ASIC2: variants seen among roughly 807,000 people sequenced by gnomAD.
The protein encoded by ASIC2 is acid sensing ion channel subunit 2.
Under a neutral mutation model 57.3 loss-of-function variants are expected in ASIC2, and 25 were observed. That is an observed-to-expected ratio of 0.44 (90% confidence interval 0.32 to 0.61). ASIC2 has a LOEUF of 0.61. Among genes scored for constraint, ASIC2 ranks in the 20% least tolerant of loss-of-function variants. The pLI, the probability that ASIC2 is intolerant of heterozygous loss-of-function variation, is 0.06. For missense variants in ASIC2, 641 were observed against 738.1 expected, an observed-to-expected ratio of 0.87 and a Z score of 1.52; for synonymous variants, 319 against 307.5, an observed-to-expected ratio of 1.04 and a Z score of -0.39.
chr17:33,988,688 T>A (rs1016711806), intron 1 of ASIC2, among the ~76,000 whole-genome samples: 2 of 151,952 alleles, frequency 1.3e-5, no homozygotes, highest in East Asian at 3.9e-4. Flanking sequence ...GGTTAGTTTT[T>A]GCCTCTAATC....
intron 1 of ASIC2, among the ~76,000 whole-genome samples, chr17:33,672,546 G>A (rs1176146643): frequency 6.6e-6 from 1 of 152,162 alleles, no homozygotes; most frequent in Non-Finnish European, 1.5e-5. Flanking sequence ...TTAGCCTGCT[G>A]TGGCTAAAGA....
intron 1 of ASIC2, among the ~76,000 whole-genome samples, chr17:33,140,902 GCAGAACCACAAGA>G (rs1361967676): frequency 5.3e-5 from 8 of 152,244 alleles, no homozygotes; most frequent in South Asian, 4.1e-4. Context: ...GGGCCACAAG[GCAGAACCACAAGA>G]CAGAACCACA....
chr17:33,429,793 T>C (rs1215092025), intron 1 of ASIC2, among the ~76,000 whole-genome samples: 5 of 152,152 alleles, frequency 3.3e-5, no homozygotes, highest in Non-Finnish European at 1.5e-5. Flanking sequence ...TGTACAGATA[T>C]AAGAGCATAG....
At chr17:33,934,167 G>T (rs56118853) in intron 1 of ASIC2, among the ~76,000 whole-genome samples, 18,987 of 152,096 alleles carry the variant, frequency 0.12, 1,556 homozygotes, top group East Asian at 0.28. Flanking sequence ...GCACATTCTC[G>T]GCAGGCCTGC....
In ASIC2 at chr17:34,057,533, G is replaced by A. The variant is rs146016562; in HGVS notation, c.555+98445C>T. Among the ~76,000 whole-genome samples the A allele has an allele frequency of 5.3e-5, 8 of 152,166 alleles. No homozygotes were observed. In the South Asian group the frequency reaches 8.3e-4, roughly 16 times the overall value. ...ATTACTGGAGCTTTAGTAGGAGGAC[G>A]GATATAATCAGATATGTATTTTAGA... On this transcript the variant is annotated intron_variant, in intron 1 of 9. Transcript: ENST00000359872.
chr17:33,185,550 G>A (rs1027166183), intron 1 of ASIC2, among the ~76,000 whole-genome samples: 8 of 152,134 alleles, frequency 5.3e-5, no homozygotes, highest in Admixed American at 2.6e-4. Context: ...CTAGGTTGTG[G>A]TGGAGGGAGG....
intron 1 of ASIC2, among the ~76,000 whole-genome samples, chr17:33,440,296 T>G (rs904229282): frequency 1.3e-5 from 2 of 152,250 alleles, no homozygotes; most frequent in African/African-American, 4.8e-5. Context: ...GGATGTAGCA[T>G]GTACCAGTGC....
At chr17:33,834,626 T>A (rs1339322011) in intron 1 of ASIC2, 1 of 152,212 alleles carries the variant, frequency 6.6e-6, no homozygotes, top group African/African-American at 2.4e-5. Flanking sequence ...AAAGGGAGTG[T>A]ACTTCCAAAA....
At chr17:33,395,844 T>A (rs1394805054) in intron 1 of ASIC2, among the ~76,000 whole-genome samples, 1 of 152,194 alleles carries the variant, frequency 6.6e-6, no homozygotes, top group East Asian at 1.9e-4. Context: ...CACTTACCAG[T>A]TGACGGATTT....
intron 1 of ASIC2, among the ~76,000 whole-genome samples, chr17:33,917,225 A>G (rs1029222048): frequency 3.3e-5 from 5 of 151,456 alleles, no homozygotes; most frequent in Admixed American, 6.6e-5. Flanking sequence ...GGAGATTTCA[A>G]TTTTGCTTTC....
intron 1 of ASIC2, among the ~76,000 whole-genome samples, chr17:33,351,755 G>A (rs1342443479): frequency 2.0e-5 from 3 of 152,172 alleles, no homozygotes; most frequent in African/African-American, 7.2e-5. Context: ...CCAGCACCCT[G>A]TGTTTATGAT....
chr17:33,797,542 T>C (rs951803959), intron 1 of ASIC2, among the ~76,000 whole-genome samples: 4 of 152,338 alleles, frequency 2.6e-5, no homozygotes, highest in Admixed American at 2.6e-4. Context: ...ATTTTGTTGG[T>C]CCATGATTGA....
intron 1 of ASIC2, among the ~76,000 whole-genome samples, chr17:33,382,644 T>C (rs1054183665): frequency 1.3e-5 from 2 of 152,206 alleles, no homozygotes; most frequent in Non-Finnish European, 2.9e-5. Flanking sequence ...CGATTCCCTG[T>C]AACATGAGTT....
intron 1 of ASIC2, among the ~76,000 whole-genome samples, chr17:33,953,106 G>A (rs1904629872): frequency 6.6e-6 from 1 of 151,822 alleles, no homozygotes; most frequent in African/African-American, 2.4e-5. Flanking sequence ...CTATATATTT[G>A]TATGAGATCA....
At chr17:33,486,411 C>A (rs1468766169) in intron 1 of ASIC2, among the ~76,000 whole-genome samples, 1 of 152,228 alleles carries the variant, frequency 6.6e-6, no homozygotes, top group East Asian at 1.9e-4. Flanking sequence ...CTCACTGCAT[C>A]AAACTGCCTC....
chr17:33,191,538 A>G (rs2142068511), intron 1 of ASIC2, among the ~76,000 whole-genome samples: 1 of 151,836 alleles, frequency 6.6e-6, no homozygotes, highest in Admixed American at 6.6e-5. Context: ...AGAAGAAGGG[A>G]TAGAAGGAGG....
chr17:33,151,341 T>C (rs962437128), intron 1 of ASIC2, among the ~76,000 whole-genome samples: 2 of 151,326 alleles, frequency 1.3e-5, no homozygotes, highest in African/African-American at 4.9e-5. Flanking sequence ...GCCACTGCAC[T>C]CCAGCCTGGG....
chr17:34,094,957 C>A (rs1392013308), intron 1 of ASIC2, among the ~76,000 whole-genome samples: 2 of 152,132 alleles, frequency 1.3e-5, no homozygotes, highest in Non-Finnish European at 2.9e-5. Context: ...GCATTAGGAA[C>A]AACGAGGAAA....
rs1455727591 is a variant in ASIC2 at position 34,095,609 on chromosome 17, A to T, written c.555+60369T>A. On this transcript the variant is annotated intron_variant, in intron 1 of 9. Transcript: ENST00000359872. ...AGTTGGGGAGAAGCAGGCAAATTTT[A>T]TATATATATATATATATATAATTTT... Among the ~76,000 whole-genome samples, 116 of 112,624 alleles carry T rather than the reference A, an allele frequency of 1.0e-3. 1 individual carries two copies. The highest frequency in any genetic ancestry group is 1.6e-3 in the Non-Finnish European group (96 of 60,336). The allele number at this position is 112,624 out of a possible 152,430, so 73.9% of individuals were successfully genotyped here. A position where few individuals can be genotyped will look rare whatever the true frequency, so the allele number is the denominator to read the frequency against.
Sources: gnomAD v4.1 joint callset for allele counts (sites outside exome capture counted in the v4.1 genomes callset) on GRCh38, gnomAD v4.1.1 for gene constraint, MANE v1.5 for transcripts, NCBI Gene and HGNC (gene_info 2026-07-23, HGNC 2026-07-21) for gene names.